The following RALGAPA1 variants were observed in gnomAD, a reference collection of about 807,000 sequenced individuals.
RALGAPA1 encodes ral GTPase-activating protein subunit alpha-1.
A neutral mutation model predicts 269.6 loss-of-function variants in RALGAPA1; 52 were observed. The observed-to-expected ratio is 0.19, with a 90% confidence interval of 0.15 to 0.24. The LOEUF is 0.24. Ranked by LOEUF, RALGAPA1 falls within the 10% of genes least tolerant of loss-of-function variation. The probability of loss-of-function intolerance (pLI) is 1.00; values close to 1 mark genes in which losing one functional copy is unlikely to be tolerated. For missense variants in RALGAPA1, 1,917 were observed against 3,013.9 expected, an observed-to-expected ratio of 0.64 and a Z score of 8.52; for synonymous variants, 817 against 1,008.3, an observed-to-expected ratio of 0.81 and a Z score of 3.60.
At chr14:35,569,772 G>A (rs911259442) in intron 39 of RALGAPA1, among the ~76,000 whole-genome samples, 1 of 152,124 alleles carries the variant, frequency 6.6e-6, no homozygotes, top group Non-Finnish European at 1.5e-5. Flanking sequence ...CCATCCAGGT[G>A]AGTGAGAGAC....
Position 35,689,510 on chromosome 14 carries a change from T to C in RALGAPA1, c.2901A>G (p.Glu967=), listed in dbSNP as rs1305935869. 8 of 1,239,472 alleles carry C rather than the reference T, an allele frequency of 6.5e-6. No individual in the cohort carries two copies. Among genetic ancestry groups the C allele is most frequent in the Non-Finnish European group, 8.1e-6 (8 of 993,198 alleles). The allele number at this position is 1,239,472 out of a possible 1,614,324, so 76.8% of individuals were successfully genotyped here. A position where few individuals can be genotyped will look rare whatever the true frequency, so the allele number is the denominator to read the frequency against. Residue 967 remains glutamate, a synonymous_variant, in exon 18 of 42, where the codon GAA becomes GAG. Coordinates refer to ENST00000680220, the MANE Select transcript of RALGAPA1 (RefSeq NM_001346249.2). ...NETGKDPASQ[E]VTIAVNRGER... ...CACCCCTATTTACTGCAATAGTCAC[T>C]TCCTGAGAAGCTGGGTCTTTCCCTG...
chr14:35,785,013 C>G (rs2075700337), intron 1 of RALGAPA1, among the ~76,000 whole-genome samples: 1 of 152,094 alleles, frequency 6.6e-6, no homozygotes, highest in African/African-American at 2.4e-5. Context: ...CAGACCCTAT[C>G]TCTACAAGCA....
At chr14:35,618,712 A>G (rs556272318) in intron 35 of RALGAPA1, among the ~76,000 whole-genome samples, 23 of 152,262 alleles carry the variant, frequency 1.5e-4, no homozygotes, top group African/African-American at 5.3e-4. Flanking sequence ...GACAGACAAT[A>G]AAATGCTTAA....
intron 35 of RALGAPA1, among the ~76,000 whole-genome samples, chr14:35,610,572 G>A (rs1044681048): frequency 1.3e-5 from 2 of 152,106 alleles, no homozygotes; most frequent in African/African-American, 4.8e-5. Context: ...GTGAGCCACT[G>A]CGCCTGGCCA....
At chr14:35,768,834 C>G (rs1311452900) in intron 4 of RALGAPA1, among the ~76,000 whole-genome samples, 2 of 151,092 alleles carry the variant, frequency 1.3e-5, no homozygotes, top group African/African-American at 4.9e-5. Flanking sequence ...CATGCAGAAA[C>G]CCCATCTCTA....
intron 6 of RALGAPA1, among the ~76,000 whole-genome samples, chr14:35,757,970 T>C (rs1349726069): frequency 6.6e-6 from 1 of 152,082 alleles, no homozygotes; most frequent in Non-Finnish European, 1.5e-5. Context: ...AACTTTAGGC[T>C]GGGCGCAGTG....
intron 13 of RALGAPA1, among the ~76,000 whole-genome samples, chr14:35,726,138 T>C (rs1366963990): frequency 6.6e-6 from 1 of 152,182 alleles, no homozygotes; most frequent in Non-Finnish European, 1.5e-5. Context: ...GAACAGTCAC[T>C]GTGAGAAATG....
intron 31 of RALGAPA1, among the ~76,000 whole-genome samples, chr14:35,644,599 A>T (rs868242462): frequency 3.9e-5 from 6 of 152,248 alleles, no homozygotes; most frequent in Middle Eastern, 3.2e-3. Context: ...TTAATAATTT[A>T]AAAAAATAGA....
At chr14:35,767,749 C>G (rs753643341) in intron 4 of RALGAPA1, among the ~76,000 whole-genome samples, 4 of 151,966 alleles carry the variant, frequency 2.6e-5, no homozygotes, top group Admixed American at 6.6e-5. Context: ...CCAAAGGAAG[C>G]AGAATTTCTC....
chr14:35,608,240 T>C (rs753285813), intron 35 of RALGAPA1, among the ~76,000 whole-genome samples: 16 of 152,050 alleles, frequency 1.1e-4, no homozygotes, highest in Non-Finnish European at 5.9e-5. Context: ...CATCCAACAG[T>C]AAATGATAAA....
chr14:35,771,661 C>CT (rs542923787), intron 3 of RALGAPA1, among the ~76,000 whole-genome samples: 2 of 151,870 alleles, frequency 1.3e-5, no homozygotes, highest in East Asian at 1.9e-4. Flanking sequence ...TCTAGATTTT[C>CT]TTTTTTTTCC....
intron 37 of RALGAPA1, among the ~76,000 whole-genome samples, chr14:35,595,077 T>C (rs941812602): frequency 2.0e-5 from 3 of 151,290 alleles, no homozygotes; most frequent in Non-Finnish European, 4.4e-5. Flanking sequence ...ATCACTTATA[T>C]GTGGAATCTA....
At chr14:35,575,397 C>G (rs938011115) in intron 37 of RALGAPA1, among the ~76,000 whole-genome samples, 14 of 152,186 alleles carry the variant, frequency 9.2e-5, no homozygotes, top group South Asian at 2.1e-4. Context: ...GAAGACAAAG[C>G]AGCTAAATGA....
chr14:35,654,450 C>T lies in RALGAPA1; in HGVS notation c.5524G>A (p.Ala1842Thr), dbSNP rs2063042164. The change falls in exon 30 of 42, where the codon GCT (alanine) becomes ACT (threonine). Residue 1842 changes from alanine to threonine, a missense_variant. This residue lies in a region of RALGAPA1 where 346 missense variants were observed against 566.1 expected (regional missense o/e 0.61). Transcript: ENST00000680220. ...ACCAGCATGTGAAGCATGTTACAAGCTACGTGGGCTACTGTTTTATTAGTA... is the reference window on the plus strand; with the variant it reads ...ACCAGCATGTGAAGCATGTTACAAGTTACGTGGGCTACTGTTTTATTAGTA... Reference protein sequence around the residue: ...KFTNKTVAHVACNMLHMLVHY... With the variant: ...KFTNKTVAHVTCNMLHMLVHY... 1 of 1,601,848 alleles carries T rather than the reference C, an allele frequency of 6.2e-7. No individual in the cohort carries two copies. The highest frequency in any genetic ancestry group is 8.5e-7 in the Non-Finnish European group (1 of 1,177,312).
intron 36 of RALGAPA1, among the ~76,000 whole-genome samples, chr14:35,598,276 C>T (rs1273729810): frequency 6.6e-6 from 1 of 152,014 alleles, no homozygotes; most frequent in Non-Finnish European, 1.5e-5. Flanking sequence ...TCCTTCTGGT[C>T]TCCAGTAATT....
Position 35,538,764 on chromosome 14 carries a change from TA to T in RALGAPA1, c.*949del, listed in dbSNP as rs1395940634. 1.3e-5 allele frequency: 2 copies of T among 150,616 alleles called. No homozygotes were observed. The highest frequency in any genetic ancestry group is 2.9e-5 in the Non-Finnish European group (2 of 67,816). The allele number at this position is 150,616 out of a possible 1,614,324, so 9.3% of individuals were successfully genotyped here. A position where few individuals can be genotyped will look rare whatever the true frequency, so the allele number is the denominator to read the frequency against. On this transcript the variant is annotated 3_prime_UTR_variant, in exon 42 of 42. Coordinates refer to ENST00000680220, the MANE Select transcript of RALGAPA1 (RefSeq NM_001346249.2). ...TCTTCCCCATCTTCTTTTTGGTGCTTAAAAAAGAACATAGAAACACCAGGAT... is the reference window on the plus strand; with the variant it reads ...TCTTCCCCATCTTCTTTTTGGTGCTTAAAAAGAACATAGAAACACCAGGAT...
intron 10 of RALGAPA1, among the ~76,000 whole-genome samples, chr14:35,744,148 G>A (rs1426519151): frequency 6.6e-6 from 1 of 152,150 alleles, no homozygotes; most frequent in Non-Finnish European, 1.5e-5. Flanking sequence ...AAGGCTGGCA[G>A]ATCACCTGAG....
chr14:35,757,120 T>TTA lies in RALGAPA1; in HGVS notation c.548-213_548-212insTA, dbSNP rs1491373653. The stretch of plus-strand genomic sequence containing the variant: ...TATTTATTTATTATTATTATTATTA[T>TTA]TTTTTTTTTTTTTTTGAGACGGAGT... On this transcript the variant is annotated intron_variant, in intron 6 of 41. Transcript: ENST00000680220. Among the ~76,000 whole-genome samples, 18 of 135,250 alleles carry TTA rather than the reference T, an allele frequency of 1.3e-4. No individual in the cohort carries two copies. In the East Asian group the frequency reaches 2.7e-3, roughly 20 times the overall value. 88.7% of individuals were successfully genotyped at this position (135,250 alleles called of 152,430 possible). A position where few individuals can be genotyped will look rare whatever the true frequency, so the allele number is the denominator to read the frequency against.
At chr14:35,645,331 G>T in intron 31 of RALGAPA1, among the ~76,000 whole-genome samples, 1 of 145,574 alleles carries the variant, frequency 6.9e-6, no homozygotes, top group Non-Finnish European at 1.5e-5. Flanking sequence ...TCAGTCTATA[G>T]CAGATATAGA....
Sources: allele counts gnomAD v4.1 joint callset (sites outside exome capture counted in the v4.1 genomes callset), GRCh38; gene constraint gnomAD v4.1.1; regional missense constraint gnomAD v4.1.1; transcripts MANE v1.5; gene names NCBI Gene and HGNC (gene_info 2026-07-23, HGNC 2026-07-21).